Variants in FBXL13 observed in about 807,000 individuals in gnomAD.
FBXL13 encodes the protein F-box and leucine-rich repeat protein 13.
In FBXL13, 67 loss-of-function variants were observed where a neutral mutation model predicts 83.6. The observed-to-expected ratio is 0.80, with a 90% CI of 0.66 to 0.98. The LOEUF (loss-of-function observed/expected upper bound fraction) is 0.98. FBXL13 is among the 50% of genes least tolerant of loss of function. FBXL13 has a pLI of 0.00. For synonymous variants in FBXL13, 272 were observed against 299.5 expected, an observed-to-expected ratio of 0.91 and a Z score of 0.95; for missense variants, 822 against 866.5, an observed-to-expected ratio of 0.95 and a Z score of 0.64.
chr7:102,883,284 T>C (rs755844797), intron 14 of FBXL13, 21 bp downstream of exon 15: 35 of 1,598,654 alleles, frequency 2.2e-5, no homozygotes, highest in African/African-American at 1.4e-4. Flanking sequence ...TTCTTGAATA[T>C]ATTACTGAAT....
chr7:102,884,402 G>T (rs986617918), intron 11 of FBXL13, 90 bp from the exon 13 acceptor site: 9 of 888,022 alleles, frequency 1.0e-5, no homozygotes, highest in Non-Finnish European at 1.4e-5. Flanking sequence ...CCATAATTTT[G>T]TTACTATGTT....
chr7:103,060,064 ACT>A (rs1797758345), intron 1 of FBXL13, among the ~76,000 whole-genome samples: 6 of 81,904 alleles, frequency 7.3e-5, no homozygotes, highest in Admixed American at 2.6e-4. Context: ...ATATATATAT[ACT>A]TTTTTTTTTT....
chr7:102,890,449 G>A (rs908817499), intron 11 of FBXL13, among the ~76,000 whole-genome samples: 1 of 152,200 alleles, frequency 6.6e-6, no homozygotes, highest in Non-Finnish European at 1.5e-5. Flanking sequence ...CACCAGTGGT[G>A]TTCCAACCAC....
intron 2 of FBXL13, among the ~76,000 whole-genome samples, chr7:103,037,629 A>G (rs1467474863): frequency 6.6e-6 from 1 of 151,578 alleles, no homozygotes; most frequent in African/African-American, 2.4e-5. Flanking sequence ...ACACAGTGAG[A>G]CTCTGTCTGT....
At chr7:102,996,836 T>C (rs991789389) in intron 6 of FBXL13, among the ~76,000 whole-genome samples, 12 of 152,210 alleles carry the variant, frequency 7.9e-5, no homozygotes, top group African/African-American at 2.9e-4. Flanking sequence ...ACTAACAAGA[T>C]AGAAAGACTT....
chr7:102,844,777 A>G (rs1295724141), intron 17 of FBXL13, among the ~76,000 whole-genome samples: 1 of 152,196 alleles, frequency 6.6e-6, no homozygotes, highest in Non-Finnish European at 1.5e-5. Context: ...TAGATTTCAG[A>G]TGCCAATCGC....
intron 2 of FBXL13, chr7:103,046,780 T>C (rs1165977079): frequency 6.6e-6 from 1 of 152,202 alleles, no homozygotes; most frequent in East Asian, 1.9e-4. Context: ...CATCTTATTC[T>C]GGGGAGAAAC....
At chr7:102,946,455 C>T (rs1822508453) in intron 8 of FBXL13, among the ~76,000 whole-genome samples, 6 of 152,142 alleles carry the variant, frequency 3.9e-5, no homozygotes, top group Admixed American at 3.9e-4. Flanking sequence ...CCAGAACTTC[C>T]AGAACCAAAC....
At chr7:102,951,401 A>AAATAAATAAAT (rs1199748389) in intron 8 of FBXL13, among the ~76,000 whole-genome samples, 4 of 150,668 alleles carry the variant, frequency 2.7e-5, no homozygotes, top group Admixed American at 2.6e-4. Context: ...ATAAATAAAT[A>AAATAAATAAAT]AAAGTTAATT....
At chr7:102,846,171 A>C in intron 17 of FBXL13, among the ~76,000 whole-genome samples, 1 of 152,212 alleles carries the variant, frequency 6.6e-6, no homozygotes, top group East Asian at 1.9e-4. Context: ...ATATCTGCCT[A>C]ACCCACTAAA....
Position 102,877,582 on chromosome 7 carries a change from A to G in FBXL13, c.1520T>C (p.Leu507Ser), listed in dbSNP as rs778835166. 3 of 1,607,152 alleles carry G rather than the reference A, an allele frequency of 1.9e-6. No homozygotes were observed. In the South Asian group the frequency reaches 3.4e-5, roughly 18 times the overall value. ...ACAATTTCGTAAACTCAAGTAGTTT[A>G]AATTAGGGCAGCTAAAAGAAAGTAG... Residue 507 changes from leucine (L) to serine (S), a missense_variant, in exon 16 of 20, where the codon TTA (leucine) becomes TCA (serine). Physicochemically the swap from Leu to Ser is moderately radical, Grantham distance 145. Coordinates refer to ENST00000313221, the Ensembl canonical transcript of FBXL13.
intron 6 of FBXL13, among the ~76,000 whole-genome samples, chr7:103,015,402 C>T (rs186401077): frequency 6.6e-6 from 1 of 152,238 alleles, no homozygotes; most frequent in Non-Finnish European, 1.5e-5. Flanking sequence ...AGTCAAACTC[C>T]CTGTTTGCAG....
chr7:102,946,599 C>A (rs565602070), intron 8 of FBXL13, among the ~76,000 whole-genome samples: 1 of 152,162 alleles, frequency 6.6e-6, no homozygotes, highest in African/African-American at 2.4e-5. Context: ...AGAAGAACTG[C>A]CAGAGCTAAC....
At position 102,942,350 on chromosome 7, in the gene FBXL13, T is replaced by A. The variant is rs757365863; in HGVS notation, c.725-10417A>T. The A allele has an allele frequency of 3.2e-6, 5 of 1,561,060 alleles. No homozygotes were observed. In the East Asian group the frequency reaches 1.2e-4, roughly 37 times the overall value. ...TGAATGATTTTTGCTGTGGTAAGTA[T>A]ACAAATGCAGTGGGAGTTGCCAGAC... On this transcript the variant is annotated intron_variant, in intron 8 of 19. Transcript: ENST00000313221.
chr7:102,969,963 A>T (rs1289114138), intron 6 of FBXL13, among the ~76,000 whole-genome samples: 1 of 152,122 alleles, frequency 6.6e-6, no homozygotes, highest in Non-Finnish European at 1.5e-5. Context: ...TATCAAAAAG[A>T]TCTCTCGCCA....
intron 11 of FBXL13, among the ~76,000 whole-genome samples, chr7:102,895,681 A>G (rs973766302): frequency 2.0e-5 from 3 of 151,838 alleles, no homozygotes; most frequent in African/African-American, 7.3e-5. Flanking sequence ...GATAATGTCA[A>G]TGGGAGAATT....
At chr7:103,013,952 G>A (rs1333954089) in intron 6 of FBXL13, among the ~76,000 whole-genome samples, 3 of 151,918 alleles carry the variant, frequency 2.0e-5, no homozygotes, top group African/African-American at 7.3e-5. Flanking sequence ...GGCAAAGGGT[G>A]TATTACCACT....
intron 8 of FBXL13, among the ~76,000 whole-genome samples, chr7:102,956,028 T>C (rs1229824505): frequency 6.6e-6 from 1 of 152,144 alleles, no homozygotes; most frequent in African/African-American, 2.4e-5. Flanking sequence ...CCCTAACTCA[T>C]TTTATGAGGC....
At chr7:103,057,208 G>A (rs912939846) in intron 1 of FBXL13, among the ~76,000 whole-genome samples, 6 of 152,152 alleles carry the variant, frequency 3.9e-5, no homozygotes, top group Non-Finnish European at 5.9e-5. Flanking sequence ...TTTATTCAGT[G>A]TTAATATTCT....
Sources: gnomAD v4.1 joint callset for allele counts (sites outside exome capture counted in the v4.1 genomes callset) on GRCh38, gnomAD v4.1.1 for gene constraint, MANE v1.5 for transcripts, NCBI Gene and HGNC (gene_info 2026-07-23, HGNC 2026-07-21) for gene names.